The following PATJ variants were observed in gnomAD, a reference collection of about 807,000 sequenced individuals.
PATJ encodes the protein PATJ crumbs cell polarity complex component, also known as inaD-like protein.
In PATJ, 190 loss-of-function variants were observed where a neutral mutation model predicts 224.9. The ratio of observed to expected loss-of-function variants is 0.84; its 90% CI spans 0.75 to 0.95. The LOEUF is 0.95. PATJ is among the 40% of genes least tolerant of loss of function. The probability of loss-of-function intolerance (pLI) is 0.00; values close to 1 mark genes in which losing one functional copy is unlikely to be tolerated. For synonymous variants in PATJ, 769 were observed against 820.3 expected (o/e 0.94, Z 1.07); for missense variants, 2,121 against 2,270.3 (o/e 0.93, Z 1.34).
intron 27 of PATJ, among the ~76,000 whole-genome samples, chr1:61,977,647 A>G (rs1644213603): frequency 6.6e-6 from 1 of 151,890 alleles, no homozygotes; most frequent in South Asian, 2.1e-4. Context: ...CCCAGATTCA[A>G]CCACAACACT....
intron 31 of PATJ, among the ~76,000 whole-genome samples, chr1:62,058,805 C>T (rs186056862): frequency 3.9e-5 from 6 of 152,214 alleles, no homozygotes; most frequent in African/African-American, 1.2e-4. Flanking sequence ...TAAGTAAGAC[C>T]GCTTTCATGT....
At chr1:61,765,355 G>A (rs1405135842) in intron 3 of PATJ, among the ~76,000 whole-genome samples, 1 of 151,182 alleles carries the variant, frequency 6.6e-6, no homozygotes, top group African/African-American at 2.4e-5. Flanking sequence ...GGGATTACAG[G>A]TGTGAGCCAT....
intron 27 of PATJ, among the ~76,000 whole-genome samples, chr1:61,949,157 A>G (rs1679234255): frequency 6.6e-6 from 1 of 152,074 alleles, no homozygotes; most frequent in South Asian, 2.1e-4. Flanking sequence ...ACACATGTAT[A>G]TATACGTAAC....
intron 30 of PATJ, among the ~76,000 whole-genome samples, chr1:62,042,258 T>A (rs1181290445): frequency 6.6e-6 from 1 of 152,206 alleles, no homozygotes; most frequent in Non-Finnish European, 1.5e-5. Context: ...ACAATTTGAT[T>A]ATATTCTAGA....
At chr1:61,769,827 G>T (rs569733974) in intron 5 of PATJ, among the ~76,000 whole-genome samples, 4 of 152,246 alleles carry the variant, frequency 2.6e-5, no homozygotes, top group African/African-American at 9.6e-5. Context: ...TTCTCATTCT[G>T]CATATTATAT....
intron 22 of PATJ, among the ~76,000 whole-genome samples, chr1:61,888,230 GA>G (rs1307189589): frequency 6.6e-6 from 1 of 152,174 alleles, no homozygotes; most frequent in Admixed American, 6.6e-5. Flanking sequence ...CCTGGAAGTG[GA>G]GAAGTTAGAA....
intron 27 of PATJ, chr1:61,952,401 G>T (rs1244937357): frequency 2.4e-5 from 17 of 717,242 alleles, no homozygotes; most frequent in Admixed American, 4.0e-5. Flanking sequence ...TGGTCCAAGG[G>T]GGTTTCCCAG....
At chr1:62,053,554 T>C (rs1436049197) in intron 31 of PATJ, among the ~76,000 whole-genome samples, 1 of 152,188 alleles carries the variant, frequency 6.6e-6, no homozygotes, top group Non-Finnish European at 1.5e-5. Context: ...ACCCCGTCTC[T>C]ACTAAAAATA....
intron 42 of PATJ, among the ~76,000 whole-genome samples, chr1:62,151,950 TAA>T (rs1306551438): frequency 2.6e-5 from 4 of 152,220 alleles, no homozygotes; most frequent in African/African-American, 7.2e-5. Context: ...ATGTTGTTTC[TAA>T]GAGAGAAGAC....
At chr1:62,039,772 A>G (rs1374261953) in intron 30 of PATJ, among the ~76,000 whole-genome samples, 1 of 152,134 alleles carries the variant, frequency 6.6e-6, no homozygotes, top group Non-Finnish European at 1.5e-5. Flanking sequence ...GGCACTTTTA[A>G]AAGGCAGAGG....
chr1:62,052,740 C>T (rs986134267), intron 31 of PATJ, among the ~76,000 whole-genome samples: 4 of 149,608 alleles, frequency 2.7e-5, no homozygotes, highest in South Asian at 4.2e-4. Flanking sequence ...AGTGAACCTC[C>T]GTCTCAAAAA....
chr1:62,102,178 C>CAAATAAAT (rs112794744), intron 33 of PATJ, among the ~76,000 whole-genome samples: 2,473 of 150,116 alleles, frequency 0.016, 47 homozygotes, highest in African/African-American at 0.04. Context: ...GACCCTGTCT[C>CAAATAAAT]AAATAAATAA....
At position 61,989,152 on chromosome 1, in the gene PATJ, C is replaced by T. The variant is rs183936856; in HGVS notation, c.3671-1016C>T. 1.3e-3 allele frequency among the ~76,000 whole-genome samples: 195 copies of T among 152,224 alleles called. 1 individual carries two copies. The highest frequency in any genetic ancestry group is 2.4e-3 in the Non-Finnish European group (160 of 68,010). ...ACCAACACAAGTGAGACACAGCCAG[C>T]CATCTCCTAAAACAGGTCCTTTTGA... On this transcript the variant is annotated intron_variant, in intron 27 of 43. Transcript: ENST00000642238.
intron 29 of PATJ, among the ~76,000 whole-genome samples, chr1:62,026,462 T>TTGTGTG (rs200824830): frequency 0.013 from 1,553 of 123,524 alleles, 13 homozygotes; most frequent in African/African-American, 0.023. Context: ...TATTCAACAT[T>TTGTGTG]TGTGTGTGTG....
At chr1:62,143,608 G>A (rs183141135) in intron 41 of PATJ, among the ~76,000 whole-genome samples, 367 of 151,746 alleles carry the variant, frequency 2.4e-3, no homozygotes, top group African/African-American at 8.4e-3. Context: ...CCACCACCAC[G>A]CCAGCTAATT....
intron 41 of PATJ, among the ~76,000 whole-genome samples, chr1:62,145,450 C>T (rs1667946633): frequency 6.6e-6 from 1 of 152,000 alleles, no homozygotes; most frequent in African/African-American, 2.4e-5. Context: ...TTACTTGAGC[C>T]CAGGAGTTTA....
intron 26 of PATJ, among the ~76,000 whole-genome samples, chr1:61,921,629 C>T (rs1674351746): frequency 6.6e-6 from 1 of 152,108 alleles, no homozygotes; most frequent in African/African-American, 2.4e-5. Flanking sequence ...TCCCACCTTC[C>T]TTGGCCTCAA....
At chr1:61,859,532 T>TCTCTCTCTCTCTCTCTCC (rs1276607368) in intron 18 of PATJ, among the ~76,000 whole-genome samples, 2 of 149,752 alleles carry the variant, frequency 1.3e-5, no homozygotes, top group Non-Finnish European at 3.0e-5. Context: ...CTCTGAGGTG[T>TCTCTCTCTCTCTCTCTCC]CTCTCTCTCT....
chr1:61,962,572 TTTAG>T lies in PATJ; in HGVS notation c.3671-27590_3671-27587del, dbSNP rs1299780832. 5.3e-5 allele frequency among the ~76,000 whole-genome samples: 8 copies of T among 152,126 alleles called. No homozygotes were observed. The South Asian group carries it at 1.5e-3, about 28-fold the overall frequency. On this transcript the variant is annotated intron_variant, in intron 27 of 43. Coordinates refer to ENST00000642238, the MANE Select transcript of PATJ (RefSeq NM_001350145.3). Reference sequence around the variant, plus strand: ...ATGATGGAGGGTTTTGAAGACTTCTTTTAGTTAGTAGAGGATTAATCGGTGATCA... The same window carrying T: ...ATGATGGAGGGTTTTGAAGACTTCTTTTAGTAGAGGATTAATCGGTGATCA...
Sources: gnomAD v4.1 joint callset for allele counts (sites outside exome capture counted in the v4.1 genomes callset) on GRCh38, gnomAD v4.1.1 for gene constraint, MANE v1.5 for transcripts, NCBI Gene and HGNC (gene_info 2026-07-23, HGNC 2026-07-21) for gene names.